MLLT10: variants seen among roughly 807,000 people sequenced by gnomAD.
The protein encoded by MLLT10 is protein AF-10.
MLLT10 carries 30 observed loss-of-function variants against 129.1 expected under a neutral mutation model. That is an observed-to-expected ratio of 0.23 (90% confidence interval 0.17 to 0.32). The LOEUF (loss-of-function observed/expected upper bound fraction) is 0.32. MLLT10 is among the 10% of genes least tolerant of loss of function. The pLI is 1.00. For synonymous variants in MLLT10, 490 were observed against 446.4 expected, an observed-to-expected ratio of 1.10 and a Z score of -1.23; for missense variants, 1,119 against 1,268.3, an observed-to-expected ratio of 0.88 and a Z score of 1.79.
intron 7 of MLLT10, 65 bp downstream of exon 7, chr10:21,614,989 T>C: frequency 7.5e-7 from 1 of 1,339,250 alleles, no homozygotes; most frequent in Non-Finnish European, 1.0e-6. Context: ...ATGACACTGT[T>C]TTATTAAAAA....
chr10:21,580,029 T>G (rs1341537575), intron 3 of MLLT10, among the ~76,000 whole-genome samples: 1 of 151,808 alleles, frequency 6.6e-6, no homozygotes, highest in Non-Finnish European at 1.5e-5. Context: ...TTGTTTTTTT[T>G]TTTTAATTTG....
chr10:21,658,729 A>G (rs1371612077), intron 9 of MLLT10, among the ~76,000 whole-genome samples: 7 of 152,072 alleles, frequency 4.6e-5, no homozygotes, highest in African/African-American at 1.4e-4. Flanking sequence ...CAGTGGTGCA[A>G]TCTTGGCTCA....
At chr10:21,692,521 C>A (rs1015120838) in intron 13 of MLLT10, among the ~76,000 whole-genome samples, 1 of 151,862 alleles carries the variant, frequency 6.6e-6, no homozygotes, top group Admixed American at 6.6e-5. Flanking sequence ...CTTGCTTAGT[C>A]CAGGCTGGAG....
At chr10:21,588,544 T>G (rs1338746569) in intron 4 of MLLT10, among the ~76,000 whole-genome samples, 1 of 152,098 alleles carries the variant, frequency 6.6e-6, no homozygotes, top group Non-Finnish European at 1.5e-5. Context: ...TTTCCATAGG[T>G]GGAAACATTG....
At chr10:21,741,839 A>T in intron 22 of MLLT10, 100 bp from the exon 23 acceptor site, 1 of 1,302,902 alleles carries the variant, frequency 7.7e-7, no homozygotes, top group Non-Finnish European at 1.1e-6. Context: ...AAAGGGAGTA[A>T]CTTTCTATAC....
chr10:21,564,972 A>C (rs887390441), intron 3 of MLLT10, among the ~76,000 whole-genome samples: 3 of 152,206 alleles, frequency 2.0e-5, no homozygotes, highest in Non-Finnish European at 2.9e-5. Context: ...TTACAGAGAA[A>C]TATTGAAGTC....
At chr10:21,583,288 A>T (rs961442376) in intron 3 of MLLT10, among the ~76,000 whole-genome samples, 20 of 152,202 alleles carry the variant, frequency 1.3e-4, no homozygotes, top group African/African-American at 4.8e-4. Flanking sequence ...TTAGTTGGTA[A>T]TGGAAATTTG....
At chr10:21,670,768 A>G (rs1412137132) in intron 10 of MLLT10, 64 bp downstream of exon 10, 6 of 1,511,302 alleles carry the variant, frequency 4.0e-6, no homozygotes, top group Non-Finnish European at 2.7e-6. Flanking sequence ...TATGCTTTGT[A>G]AAATAATTGG....
intron 8 of MLLT10, among the ~76,000 whole-genome samples, chr10:21,641,438 A>G (rs772632627): frequency 2.6e-5 from 4 of 152,206 alleles, no homozygotes; most frequent in African/African-American, 4.8e-5. Context: ...CACCAAAGGC[A>G]GATTTATTTG....
chr10:21,738,522 C>T, intron 21 of MLLT10: 1 of 1,287,446 alleles, frequency 7.8e-7, no homozygotes, highest in Non-Finnish European at 1.0e-6. Flanking sequence ...ATGTCGTGGG[C>T]TAAAGTTTGT....
At chr10:21,547,403 C>CTT (rs756393852) in intron 3 of MLLT10, among the ~76,000 whole-genome samples, 2,109 of 119,244 alleles carry the variant, frequency 0.018, 47 homozygotes, top group African/African-American at 0.058. Context: ...CTGCTGTTTT[C>CTT]TTTTTTTTTT....
chr10:21,604,680 GC>G (rs1205152697), intron 5 of MLLT10, among the ~76,000 whole-genome samples: 1 of 152,204 alleles, frequency 6.6e-6, no homozygotes, highest in Non-Finnish European at 1.5e-5. Context: ...AGGTGAAGAA[GC>G]ATTCCCATTC....
At chr10:21,599,265 C>A (rs1411020402) in intron 5 of MLLT10, among the ~76,000 whole-genome samples, 1 of 151,932 alleles carries the variant, frequency 6.6e-6, no homozygotes, top group Non-Finnish European at 1.5e-5. Context: ...TTGCTTGAAC[C>A]TGGGAAGCAG....
intron 8 of MLLT10, chr10:21,625,853 A>G (rs957904839): frequency 8.0e-5 from 62 of 777,708 alleles, no homozygotes; most frequent in Non-Finnish European, 1.3e-4. Flanking sequence ...TGGATCTATG[A>G]TAAGACGTAG....
chr10:21,670,112 A>T (rs1036999639), intron 9 of MLLT10, among the ~76,000 whole-genome samples: 5 of 145,426 alleles, frequency 3.4e-5, no homozygotes, highest in Non-Finnish European at 5.9e-5. Flanking sequence ...AGACATTGTT[A>T]AAAAAAAATG....
intron 3 of MLLT10, among the ~76,000 whole-genome samples, chr10:21,542,495 G>A (rs1001999238): frequency 3.3e-5 from 5 of 152,224 alleles, no homozygotes; most frequent in African/African-American, 1.2e-4. Context: ...GCCCGAACCC[G>A]GGAGGCAGAG....
chr10:21,608,759 A>T (rs927903504), intron 5 of MLLT10, among the ~76,000 whole-genome samples: 6 of 151,894 alleles, frequency 4.0e-5, no homozygotes, highest in Admixed American at 3.9e-4. Flanking sequence ...AAGTTTGCTA[A>T]TTTTTTTCTT....
intron 4 of MLLT10, among the ~76,000 whole-genome samples, chr10:21,590,638 C>T (rs1188786017): frequency 6.6e-6 from 1 of 152,088 alleles, no homozygotes; most frequent in African/African-American, 2.4e-5. Context: ...CACACCCGGC[C>T]GCCAGTAGTA....
At chr10:21,712,901 CT>C (rs532798719) in intron 13 of MLLT10, among the ~76,000 whole-genome samples, 1 of 152,138 alleles carries the variant, frequency 6.6e-6, no homozygotes, top group Non-Finnish European at 1.5e-5. Flanking sequence ...GCATGATTTT[CT>C]TTTTTTAAAA....
Sources: gnomAD v4.1 joint callset for allele counts (sites outside exome capture counted in the v4.1 genomes callset) on GRCh38, gnomAD v4.1.1 for gene constraint, MANE v1.5 for transcripts, NCBI Gene and HGNC (gene_info 2026-07-23, HGNC 2026-07-21) for gene names.